Variants in CD59 observed in about 807,000 individuals in gnomAD.
CD59 encodes the protein CD59 molecule (CD59 blood group).
In CD59, 3 loss-of-function variants were observed where a neutral mutation model predicts 7.0. The ratio of observed to expected loss-of-function variants is 0.43; its 90% CI spans 0.19 to 1.10. CD59 has a LOEUF of 1.10. CD59 is among the 50% of genes least tolerant of loss of function. CD59 has a pLI of 0.29. For missense variants in CD59, 143 were observed against 151.0 expected, an observed-to-expected ratio of 0.95 and a Z score of 0.28; for synonymous variants, 60 against 62.0, an observed-to-expected ratio of 0.97 and a Z score of 0.15.
intron 1 of CD59, among the ~76,000 whole-genome samples, chr11:33,727,845 C>A (rs993709372): frequency 6.6e-5 from 10 of 152,280 alleles, no homozygotes; most frequent in African/African-American, 2.4e-4. Flanking sequence ...AATCAATGTG[C>A]AAAAATCACA....
intron 1 of CD59, among the ~76,000 whole-genome samples, chr11:33,725,695 C>T (rs899457445): frequency 6.6e-6 from 1 of 152,076 alleles, no homozygotes; most frequent in Non-Finnish European, 1.5e-5. Context: ...CAAGGGCATA[C>T]AAACATTCTT....
chr11:33,725,267 A>C (rs1854220565), intron 1 of CD59, among the ~76,000 whole-genome samples: 1 of 151,290 alleles, frequency 6.6e-6, no homozygotes, highest in Non-Finnish European at 1.5e-5. Context: ...CCTAGACTAA[A>C]ACACCCTCCA....
chr11:33,715,160 CATTT>C (rs1472833923), intron 3 of CD59, among the ~76,000 whole-genome samples: 3 of 151,808 alleles, frequency 2.0e-5, no homozygotes, highest in East Asian at 1.9e-4. Context: ...ACCAGTAACA[CATTT>C]ATTATAAAAT....
chr11:33,712,768 C>T (rs1853616500), intron 3 of CD59, among the ~76,000 whole-genome samples: 1 of 152,152 alleles, frequency 6.6e-6, no homozygotes, highest in Non-Finnish European at 1.5e-5. Context: ...AAAATGTAAA[C>T]GTTCTGGTCT....
intron 2 of CD59, among the ~76,000 whole-genome samples, chr11:33,722,040 G>C (rs985686334): frequency 6.6e-6 from 1 of 152,098 alleles, no homozygotes; most frequent in Non-Finnish European, 1.5e-5. Flanking sequence ...AAGCAGAGTG[G>C]ACCCCAAAGG....
intron 2 of CD59, 100 bp from the exon 3 acceptor site, chr11:33,717,571 T>C: frequency 1.3e-6 from 1 of 743,040 alleles, no homozygotes; most frequent in Non-Finnish European, 2.4e-6. Context: ...CAGCAACTTG[T>C]GGTATACTTC....
At chr11:33,730,429 T>G (rs1314595602) in intron 1 of CD59, among the ~76,000 whole-genome samples, 1 of 151,926 alleles carries the variant, frequency 6.6e-6, no homozygotes, top group Non-Finnish European at 1.5e-5. Flanking sequence ...AATAAATTAT[T>G]AAAACTTACA....
intron 2 of CD59, 64 bp from the exon 3 acceptor site, chr11:33,717,535 C>G: frequency 9.8e-7 from 1 of 1,015,678 alleles, no homozygotes; most frequent in South Asian, 1.3e-5. Context: ...GGCAGCCCAC[C>G]ATCTCCATTA....
At chr11:33,721,785 T>C (rs1053051853) in intron 2 of CD59, among the ~76,000 whole-genome samples, 3 of 152,198 alleles carry the variant, frequency 2.0e-5, no homozygotes, top group Non-Finnish European at 4.4e-5. Flanking sequence ...TGTGTGTTAT[T>C]TGACAAGTTA....
At chr11:33,727,035 GC>G (rs1854279786) in intron 1 of CD59, among the ~76,000 whole-genome samples, 1 of 152,132 alleles carries the variant, frequency 6.6e-6, no homozygotes. Flanking sequence ...ATAATTAATA[GC>G]CTACCAACCA....
chr11:33,732,155 C>G (rs1207564132), intron 1 of CD59, among the ~76,000 whole-genome samples: 1 of 151,806 alleles, frequency 6.6e-6, no homozygotes, highest in Non-Finnish European at 1.5e-5. Context: ...ACCTCTATTT[C>G]TTTACAAATT....
intron 1 of CD59, among the ~76,000 whole-genome samples, chr11:33,727,346 T>C (rs1854288099): frequency 6.6e-6 from 1 of 152,216 alleles, no homozygotes; most frequent in Non-Finnish European, 1.5e-5. Context: ...GCTTCATCCC[T>C]GGGATGCAAG....
chr11:33,724,582 G>A (rs1854196566), intron 1 of CD59, among the ~76,000 whole-genome samples: 1 of 152,208 alleles, frequency 6.6e-6, no homozygotes, highest in African/African-American at 2.4e-5. Flanking sequence ...GGAGTAATGA[G>A]GTTACTTGAG....
chr11:33,727,415 C>G (rs1854291139), intron 1 of CD59, among the ~76,000 whole-genome samples: 1 of 152,176 alleles, frequency 6.6e-6, no homozygotes, highest in African/African-American at 2.4e-5. Context: ...GAACCAACGA[C>G]AAAAACCACA....
In CD59 at chr11:33,710,205, C is replaced by T. The variant is rs775891044; in HGVS notation, c.308G>A (p.Gly103Asp). The change falls in exon 4 of 4, where the codon GGT becomes GAT. Residue 103 changes from glycine to aspartate, a missense_variant. Transcript: ENST00000642928. ...LCNFNEQLEN[G>D]GTSLSEKTVL... ...TGTTTTCTCTGATAAGGATGTCCCA[C>T]CATTTTCAAGCTGTTCGTTAAAGTT... The T allele has an allele frequency of 1.2e-6, 2 of 1,614,174 alleles. No individual in the cohort carries two copies. The highest frequency in any genetic ancestry group is 2.2e-5 in the South Asian group (2 of 91,084).
chr11:33,727,753 CTG>C (rs1214544603), intron 1 of CD59, among the ~76,000 whole-genome samples: 1 of 152,182 alleles, frequency 6.6e-6, no homozygotes, highest in East Asian at 1.9e-4. Context: ...GATGACATGA[CTG>C]TGTATTTAGA....
At chr11:33,710,836 G>A (rs746003722) in intron 3 of CD59, among the ~76,000 whole-genome samples, 2 of 151,320 alleles carry the variant, frequency 1.3e-5, no homozygotes, top group Non-Finnish European at 2.9e-5. Context: ...AGAATTATAG[G>A]GGTGAGCCAC....
At chr11:33,720,507 T>C (rs1023469730) in intron 2 of CD59, among the ~76,000 whole-genome samples, 4 of 152,172 alleles carry the variant, frequency 2.6e-5, no homozygotes, top group Non-Finnish European at 2.9e-5. Context: ...CAGACCAGCC[T>C]GGCCAACATG....
At chr11:33,724,461 C>T (rs1274400676) in intron 1 of CD59, among the ~76,000 whole-genome samples, 1 of 152,216 alleles carries the variant, frequency 6.6e-6, no homozygotes, top group East Asian at 1.9e-4. Flanking sequence ...ATGTGTTAAC[C>T]TCTGATCACG....
Sources: allele counts gnomAD v4.1 joint callset (sites outside exome capture counted in the v4.1 genomes callset), GRCh38; gene constraint gnomAD v4.1.1; transcripts MANE v1.5; gene names NCBI Gene and HGNC (gene_info 2026-07-23, HGNC 2026-07-21).